The following TM4SF5 variants were observed in gnomAD, a reference collection of about 807,000 sequenced individuals.
The protein encoded by TM4SF5 is transmembrane 4 L six family member 5.
In TM4SF5, 16 loss-of-function variants were observed where a neutral mutation model predicts 22.3. The observed-to-expected ratio is 0.72, with a 90% CI of 0.49 to 1.09. TM4SF5 has a LOEUF of 1.09. Ranked by LOEUF, TM4SF5 falls within the 50% of genes least tolerant of loss-of-function variation. TM4SF5 has a pLI of 0.00. For synonymous variants in TM4SF5, 113 were observed against 109.6 expected, an observed-to-expected ratio of 1.03 and a Z score of -0.19; for missense variants, 249 against 266.1, an observed-to-expected ratio of 0.94 and a Z score of 0.45.
rs1567708989 is a variant in TM4SF5 at position 4,782,966 on chromosome 17, ATAG to A, written c.511_513del (p.Val171del). 6.2e-7 allele frequency: 1 copy of A among 1,614,078 alleles called. No homozygotes were observed. The highest frequency in any genetic ancestry group is 8.5e-7 in the Non-Finnish European group (1 of 1,180,010). ...GCTGGTGGCCGCCTCCTGCCTGGAG[ATAG>A]TACTGTGTGGGATCCAGCTGGTGAA... On this transcript the variant is annotated inframe_deletion, in exon 4 of 5. Coordinates refer to ENST00000270560, the MANE Select transcript of TM4SF5 (RefSeq NM_003963.3).
intron 2 of TM4SF5, 105 bp downstream of exon 2, chr17:4,780,974 T>C (rs1286580476): frequency 1.1e-6 from 1 of 926,072 alleles, no homozygotes. Flanking sequence ...GAGCCAGGAG[T>C]TCTAGACCAG....
Position 4,783,004 on chromosome 17 carries a change from T to A in TM4SF5, c.546T>A (p.Ile182=). The A allele has an allele frequency of 6.2e-7, 1 of 1,614,150 alleles. No individual in the cohort carries two copies. The highest frequency in any genetic ancestry group is 1.7e-5 in the Admixed American group (1 of 60,016). The change falls in exon 4 of 5, where the codon ATT becomes ATA. Residue 182 remains isoleucine (I), a synonymous_variant. Coordinates refer to ENST00000270560, the MANE Select transcript of TM4SF5 (RefSeq NM_003963.3). The part of the protein sequence containing the change: ...LCGIQLVNAT[I]GVFCGDCRKK... ...GGATCCAGCTGGTGAACGCGACCATTGGTGTCTTCTGCGGCGATTGCAGGA... is the reference window on the plus strand; with the variant it reads ...GGATCCAGCTGGTGAACGCGACCATAGGTGTCTTCTGCGGCGATTGCAGGA...
At chr17:4,776,752 G>A (rs1428379739) in intron 1 of TM4SF5, among the ~76,000 whole-genome samples, 1 of 152,166 alleles carries the variant, frequency 6.6e-6, no homozygotes, top group Admixed American at 6.6e-5. Context: ...TGATTCTTAA[G>A]ACATGCAAGT....
At chr17:4,778,462 C>G (rs1413485409) in intron 1 of TM4SF5, among the ~76,000 whole-genome samples, 2 of 151,970 alleles carry the variant, frequency 1.3e-5, no homozygotes, top group African/African-American at 4.8e-5. Context: ...AAAAAATTAG[C>G]CAGGCATGTT....
rs781396189 is a variant in TM4SF5, at chr17:4,780,812, C to T, written c.201C>T (p.Ala67=). The T allele has an allele frequency of 1.1e-5, 18 of 1,610,654 alleles. No individual in the cohort carries two copies. The South Asian group carries it at 1.8e-4, about 16-fold the overall frequency. Residue 67 remains alanine, a synonymous_variant, in exon 2 of 5, where the codon GCC becomes GCT. Transcript: ENST00000270560. ...AGGTACTGTGTCCGGGGATTGCAGC[C>T]GTTCGGGCAGGGGGCAAGGGCTGCT... ...GLMVLCPGIA[A]VRAGGKGCCG... is the part of the protein sequence containing the mutation.
intron 1 of TM4SF5, among the ~76,000 whole-genome samples, chr17:4,779,186 C>T (rs1055715916): frequency 6.6e-6 from 1 of 152,046 alleles, no homozygotes; most frequent in Admixed American, 6.6e-5. Context: ...ACCTGTAATC[C>T]CAGCAATTTG....
chr17:4,782,387 T>C, intron 2 of TM4SF5, 116 bp from the exon 3 acceptor site: 1 of 1,329,398 alleles, frequency 7.5e-7, no homozygotes, highest in Non-Finnish European at 1.1e-6. Context: ...CATTAAAAAA[T>C]ACATTTTAAC....
chr17:4,776,613 T>C (rs1917211470), intron 1 of TM4SF5, among the ~76,000 whole-genome samples: 1 of 152,240 alleles, frequency 6.6e-6, no homozygotes, highest in South Asian at 2.1e-4. Flanking sequence ...ATTCTACTGT[T>C]GAAGGAGATC....
rs1288265333 is a variant in TM4SF5 at position 4,783,002 on chromosome 17, A to G, written c.544A>G (p.Ile182Val). The G allele has an allele frequency of 6.2e-7, 1 of 1,614,018 alleles. No individual in the cohort carries two copies. Among genetic ancestry groups the G allele is most frequent in the African/African-American group, 1.3e-5 (1 of 74,906 alleles). Residue 182 changes from isoleucine (I) to valine (V), a missense_variant, in exon 4 of 5, where the codon ATT becomes GTT. Coordinates refer to ENST00000270560, the MANE Select transcript of TM4SF5 (RefSeq NM_003963.3). ...TGGGATCCAGCTGGTGAACGCGACC[A>G]TTGGTGTCTTCTGCGGCGATTGCAG... is the stretch of plus-strand genomic sequence containing the variant. ...LCGIQLVNAT[I>V]GVFCGDCRKK...
At chr17:4,772,483 G>A (rs372706352) in intron 1 of TM4SF5, among the ~76,000 whole-genome samples, 2 of 152,140 alleles carry the variant, frequency 1.3e-5, no homozygotes, top group Non-Finnish European at 2.9e-5. Flanking sequence ...AGGGTGGGGC[G>A]CAGTGAAATT....
intron 1 of TM4SF5, among the ~76,000 whole-genome samples, chr17:4,775,772 G>A (rs988508005): frequency 1.3e-5 from 2 of 152,074 alleles, no homozygotes; most frequent in Admixed American, 1.3e-4. Context: ...TCACCAACAA[G>A]CGTAACCACT....
rs562631055 is a variant in TM4SF5 at position 4,778,865 on chromosome 17, G to T, written c.178-1924G>T. Among the ~76,000 whole-genome samples the T allele has an allele frequency of 9.9e-5, 15 of 152,004 alleles. No homozygotes were observed. In the South Asian group the frequency reaches 3.1e-3, roughly 31 times the overall value. ...GAGGTCAGGAGATCAAGACCATTCT[G>T]GCCAACATGATGAAACCCCGTCTCT... On this transcript the variant is annotated intron_variant, in intron 1 of 4. Coordinates refer to ENST00000270560, the MANE Select transcript of TM4SF5 (RefSeq NM_003963.3).
intron 1 of TM4SF5, among the ~76,000 whole-genome samples, chr17:4,776,830 G>A (rs566024874): frequency 3.9e-4 from 60 of 152,248 alleles, no homozygotes; most frequent in Middle Eastern, 3.4e-3. Context: ...TGCTCCACAC[G>A]CCACTGGAAT....
At chr17:4,779,547 G>A (rs897840180) in intron 1 of TM4SF5, among the ~76,000 whole-genome samples, 1 of 152,204 alleles carries the variant, frequency 6.6e-6, no homozygotes, top group African/African-American at 2.4e-5. Context: ...CTCATGGGAG[G>A]TGATGAGGGA....
At chr17:4,780,334 C>T (rs1917278653) in intron 1 of TM4SF5, among the ~76,000 whole-genome samples, 1 of 152,112 alleles carries the variant, frequency 6.6e-6, no homozygotes, top group African/African-American at 2.4e-5. Context: ...GGATTTCAGG[C>T]GTGAACCACC....
chr17:4,775,597 C>T (rs369501412), intron 1 of TM4SF5, among the ~76,000 whole-genome samples: 5 of 151,608 alleles, frequency 3.3e-5, no homozygotes, highest in South Asian at 2.1e-4. Flanking sequence ...TGTTTTTTGA[C>T]GGTTTAAAAC....
chr17:4,780,430 C>G (rs1917280945), intron 1 of TM4SF5, among the ~76,000 whole-genome samples: 1 of 152,128 alleles, frequency 6.6e-6, no homozygotes, highest in Non-Finnish European at 1.5e-5. Flanking sequence ...GTAGATCTTC[C>G]AGACCCATTT....
In TM4SF5 at chr17:4,782,966, A is replaced by ATAGTAC. The variant is rs757437320; in HGVS notation, c.510_515dup (p.Val171_Leu172dup). On this transcript the variant is annotated inframe_insertion, in exon 4 of 5. Coordinates refer to ENST00000270560, the MANE Select transcript of TM4SF5 (RefSeq NM_003963.3). ...GCTGGTGGCCGCCTCCTGCCTGGAG[A>ATAGTAC]TAGTACTGTGTGGGATCCAGCTGGT... 6.2e-7 allele frequency: 1 copy of ATAGTAC among 1,614,078 alleles called. No individual in the cohort carries two copies. The highest frequency in any genetic ancestry group is 1.7e-5 in the Admixed American group (1 of 60,010).
chr17:4,779,637 G>A (rs1917265185), intron 1 of TM4SF5, among the ~76,000 whole-genome samples: 1 of 152,160 alleles, frequency 6.6e-6, no homozygotes, highest in Non-Finnish European at 1.5e-5. Context: ...CTGGGTGCAA[G>A]ATTAAAGCTT....
Sources: gnomAD v4.1 joint callset for allele counts (sites outside exome capture counted in the v4.1 genomes callset) on GRCh38, gnomAD v4.1.1 for gene constraint, MANE v1.5 for transcripts, NCBI Gene and HGNC (gene_info 2026-07-23, HGNC 2026-07-21) for gene names.